PCCA: variants seen among roughly 807,000 people sequenced by gnomAD.
PCCA encodes the protein propionyl-CoA carboxylase subunit alpha.
A neutral mutation model predicts 101.3 loss-of-function variants in PCCA; 74 were observed. The observed-to-expected ratio is 0.73, with a 90% CI of 0.61 to 0.89. The LOEUF (loss-of-function observed/expected upper bound fraction) is 0.89, where lower values mean the gene tolerates loss of function less well. Ranked by LOEUF, PCCA falls within the 40% of genes least tolerant of loss-of-function variation. PCCA has a pLI of 0.00. For missense variants in PCCA, 891 were observed against 907.0 expected, an observed-to-expected ratio of 0.98 and a Z score of 0.23; for synonymous variants, 294 against 313.6, an observed-to-expected ratio of 0.94 and a Z score of 0.66.
chr13:100,147,953 A>C (rs887665461), intron 4 of PCCA, among the ~76,000 whole-genome samples: 6 of 151,910 alleles, frequency 3.9e-5, no homozygotes, highest in Non-Finnish European at 8.8e-5. Context: ...TTTAATTATT[A>C]TTTTATATTT....
intron 18 of PCCA, 150 bp from the exon 19 acceptor site, chr13:100,368,322 A>T (rs1455831098): frequency 8.5e-6 from 5 of 587,160 alleles, no homozygotes; most frequent in Non-Finnish European, 1.5e-5. Flanking sequence ...ATTCATAGAT[A>T]CATGATGATT....
intron 19 of PCCA, among the ~76,000 whole-genome samples, chr13:100,371,388 A>C (rs1042237469): frequency 1.3e-5 from 2 of 152,216 alleles, no homozygotes; most frequent in African/African-American, 4.8e-5. Flanking sequence ...AAAACTATAA[A>C]ATGTTGCTGA....
chr13:100,411,492 A>G (rs942805023), intron 19 of PCCA, among the ~76,000 whole-genome samples: 1 of 152,230 alleles, frequency 6.6e-6, no homozygotes, highest in African/African-American at 2.4e-5. Context: ...TATTCCAGAT[A>G]AAAATACATT....
intron 21 of PCCA, among the ~76,000 whole-genome samples, chr13:100,485,609 A>G (rs1427551532): frequency 1.3e-5 from 2 of 152,200 alleles, no homozygotes; most frequent in Admixed American, 1.3e-4. Flanking sequence ...GATTCATCCA[A>G]GTTTCCTAAA....
At chr13:100,231,793 A>G (rs1297943915) in intron 7 of PCCA, among the ~76,000 whole-genome samples, 1 of 151,824 alleles carries the variant, frequency 6.6e-6, no homozygotes, top group African/African-American at 2.4e-5. Context: ...GTCAGTACAG[A>G]ACTCCTGGGC....
chr13:100,340,354 A>C, intron 18 of PCCA, 95 bp downstream of exon 18: 2 of 748,852 alleles, frequency 2.7e-6, no homozygotes, highest in Non-Finnish European at 4.8e-6. Context: ...GGCTGATCTC[A>C]GTTCTAGAGA....
intron 21 of PCCA, among the ~76,000 whole-genome samples, chr13:100,451,427 C>A (rs1022984698): frequency 6.6e-6 from 1 of 152,126 alleles, no homozygotes; most frequent in Non-Finnish European, 1.5e-5. Flanking sequence ...CTGTGTCAGT[C>A]CGTAAGATGG....
chr13:100,383,398 G>A (rs1488473134), intron 19 of PCCA, among the ~76,000 whole-genome samples: 7 of 151,964 alleles, frequency 4.6e-5, no homozygotes, highest in African/African-American at 1.4e-4. Context: ...AGGCTAAGGC[G>A]GGAGGATCAC....
intron 11 of PCCA, among the ~76,000 whole-genome samples, chr13:100,272,429 G>C (rs181622351): frequency 6.6e-6 from 1 of 152,086 alleles, no homozygotes; most frequent in Admixed American, 6.5e-5. Context: ...TGGCCAACAA[G>C]ACTATAACAC....
At chr13:100,224,445 G>T (rs1262349252) in intron 7 of PCCA, among the ~76,000 whole-genome samples, 4 of 152,346 alleles carry the variant, frequency 2.6e-5, no homozygotes, top group Non-Finnish European at 2.9e-5. Flanking sequence ...CCACACCTCC[G>T]TGGAAGCTGA....
chr13:100,324,562 A>T (rs2068435540), intron 16 of PCCA, among the ~76,000 whole-genome samples: 1 of 152,208 alleles, frequency 6.6e-6, no homozygotes, highest in Non-Finnish European at 1.5e-5. Flanking sequence ...GCTATTATAA[A>T]ATTTACACAA....
In PCCA at chr13:100,089,156, C is replaced by T. The variant is rs375516917; in HGVS notation, c.36C>T (p.Val12=). The change falls in exon 1 of 24, where the codon GTC becomes GTT. Residue 12 remains valine, a synonymous_variant. Coordinates refer to ENST00000376285, the MANE Select transcript of PCCA (RefSeq NM_000282.4). ...TCTGGGTCGGGACAGCACCGCTGGT[C>T]GCTGCCGGACGGCGTGGGCGGTGGC... ...AGFWVGTAPL[V]AAGRRGRWPP... 175 of 1,523,652 alleles carry T rather than the reference C, an allele frequency of 1.1e-4. No individual in the cohort carries two copies. In the East Asian group the frequency reaches 4.3e-3, roughly 37 times the overall value. The allele number at this position is 1,523,652 out of a possible 1,614,324, so 94.4% of individuals were successfully genotyped here.
chr13:100,471,457 G>T (rs2083004046), intron 21 of PCCA, among the ~76,000 whole-genome samples: 1 of 152,196 alleles, frequency 6.6e-6, no homozygotes, highest in African/African-American at 2.4e-5. Context: ...AAAAATGGTG[G>T]CAATAGATAA....
intron 6 of PCCA, chr13:100,161,120 C>G (rs903162513): frequency 6.6e-6 from 1 of 152,070 alleles, no homozygotes; most frequent in Non-Finnish European, 1.5e-5. Context: ...GAGTTTTTAG[C>G]AAGATAAGAC....
intron 1 of PCCA, among the ~76,000 whole-genome samples, chr13:100,096,281 T>A (rs2046768111): frequency 6.6e-6 from 1 of 152,194 alleles, no homozygotes; most frequent in South Asian, 2.1e-4. Flanking sequence ...ATTATTACTA[T>A]GTCTGTTATG....
intron 19 of PCCA, among the ~76,000 whole-genome samples, chr13:100,380,846 TA>T (rs1457384736): frequency 6.6e-6 from 1 of 152,204 alleles, no homozygotes; most frequent in East Asian, 1.9e-4. Flanking sequence ...AAATTTTCAG[TA>T]AAGCACTTGT....
At chr13:100,335,179 G>A (rs746068188) in intron 17 of PCCA, among the ~76,000 whole-genome samples, 2 of 152,100 alleles carry the variant, frequency 1.3e-5, no homozygotes, top group South Asian at 2.1e-4. Context: ...GTTAAATAAG[G>A]ATTCAGAACT....
intron 22 of PCCA, 45 bp downstream of exon 22, chr13:100,515,612 C>G: frequency 1.9e-6 from 3 of 1,607,426 alleles, no homozygotes; most frequent in Non-Finnish European, 2.5e-6. Context: ...TGGTCTCCAA[C>G]TTCCCCTTCC....
intron 18 of PCCA, among the ~76,000 whole-genome samples, chr13:100,355,955 A>T (rs1007541821): frequency 6.6e-6 from 1 of 152,176 alleles, no homozygotes; most frequent in Non-Finnish European, 1.5e-5. Context: ...GACTCCAGAA[A>T]TAAATTGTTA....
Sources: allele counts gnomAD v4.1 joint callset (sites outside exome capture counted in the v4.1 genomes callset), GRCh38; gene constraint gnomAD v4.1.1; transcripts MANE v1.5; gene names NCBI Gene and HGNC (gene_info 2026-07-23, HGNC 2026-07-21).